NR2F1-AS1: variants seen among roughly 807,000 people sequenced by gnomAD.
NR2F1-AS1 encodes the protein NR2F1 regulatory antisense RNA 1.
rs547588031 is a variant in NR2F1-AS1 at position 93,550,115 on chromosome 5, TA to T, written n.638+3645del. Reference sequence around the variant, plus strand: ...TGTATCCCAGAACTTAAAGTATAATTAAAAAAAAAAAAGAGTGCCCATTTTA... The same window carrying T: ...TGTATCCCAGAACTTAAAGTATAATTAAAAAAAAAAAGAGTGCCCATTTTA... On this transcript the variant is annotated intron_variant and non_coding_transcript_variant, in intron 4 of 5. Transcript: ENST00000660523. 3.4e-3 allele frequency among the ~76,000 whole-genome samples: 474 copies of T among 141,290 alleles called. 1 individual carries two copies. Among genetic ancestry groups the T allele is most frequent in the Non-Finnish European group, 4.5e-3 (291 of 64,536 alleles). 92.7% of individuals were successfully genotyped at this position (141,290 alleles called of 152,430 possible). A position where few individuals can be genotyped will look rare whatever the true frequency, so the allele number is the denominator to read the frequency against.
intron 4 of NR2F1-AS1, among the ~76,000 whole-genome samples, chr5:93,441,822 C>A (rs1749577346): frequency 6.7e-6 from 1 of 150,110 alleles, no homozygotes; most frequent in African/African-American, 2.5e-5. Flanking sequence ...AGATGCTCAA[C>A]AGAAGGCAGT....
intron 4 of NR2F1-AS1, among the ~76,000 whole-genome samples, chr5:93,413,430 T>C (rs1252583331): frequency 6.6e-6 from 1 of 152,102 alleles, no homozygotes; most frequent in African/African-American, 2.4e-5. Context: ...CTTTAACTTC[T>C]GTGGGCTCTC....
chr5:93,489,831 T>C (rs1000293686), intron 4 of NR2F1-AS1, among the ~76,000 whole-genome samples: 12 of 152,202 alleles, frequency 7.9e-5, no homozygotes, highest in Admixed American at 3.3e-4. Context: ...TTCCAATTTG[T>C]ATTAATTAAT....
intron 4 of NR2F1-AS1, among the ~76,000 whole-genome samples, chr5:93,443,124 T>C (rs552901448): frequency 6.6e-6 from 1 of 152,288 alleles, no homozygotes; most frequent in South Asian, 2.1e-4. Flanking sequence ...ATTCTAAAAA[T>C]CAGAGTGCCT....
chr5:93,554,341 C>A (rs186037326), intron 3 of NR2F1-AS1, among the ~76,000 whole-genome samples: 15 of 152,224 alleles, frequency 9.9e-5, no homozygotes, highest in African/African-American at 3.4e-4. Context: ...TCCTAGAATT[C>A]TGAAAAACAC....
At chr5:93,545,187 A>G (rs1752054263) in intron 4 of NR2F1-AS1, among the ~76,000 whole-genome samples, 3 of 152,208 alleles carry the variant, frequency 2.0e-5, no homozygotes, top group African/African-American at 7.2e-5. Context: ...AACATCCCAT[A>G]ATGTCCACGG....
upstream of NR2F1-AS1, chr5:93,581,095 C>A (rs1753017757): frequency 6.6e-6 from 1 of 152,334 alleles, no homozygotes; most frequent in African/African-American, 2.4e-5. Context: ...CAAACCCCTC[C>A]CTGGTGAGAC....
chr5:93,437,360 C>T (rs57165666), intron 4 of NR2F1-AS1, among the ~76,000 whole-genome samples: 26,215 of 151,972 alleles, frequency 0.17, 3,521 homozygotes, highest in African/African-American at 0.38. Flanking sequence ...AACAATATTT[C>T]GATATATTGG....
intron 4 of NR2F1-AS1, among the ~76,000 whole-genome samples, chr5:93,413,511 C>A (rs1748906107): frequency 6.6e-6 from 1 of 152,102 alleles, no homozygotes; most frequent in African/African-American, 2.4e-5. Context: ...TTCCACATGG[C>A]CGGTGTGATA....
intron 4 of NR2F1-AS1, among the ~76,000 whole-genome samples, chr5:93,531,623 C>A (rs907946004): frequency 6.6e-6 from 1 of 152,188 alleles, no homozygotes; most frequent in African/African-American, 2.4e-5. Context: ...AGAATGGTTC[C>A]TTTACCATCT....
rs549187829 is a variant in NR2F1-AS1 at position 93,446,947 on chromosome 5, T to C, written n.639-51405A>G. On this transcript the variant is annotated intron_variant and non_coding_transcript_variant, in intron 4 of 5. Coordinates refer to ENST00000660523, the Ensembl canonical transcript of NR2F1-AS1. Reference sequence around the variant, plus strand: ...TGACAAACCTGACAAAAACAAGAAATAGGGAAAGGATTCCCTATTTAATAA... The same window carrying C: ...TGACAAACCTGACAAAAACAAGAAACAGGGAAAGGATTCCCTATTTAATAA... 9.9e-5 allele frequency among the ~76,000 whole-genome samples: 15 copies of C among 152,136 alleles called. No individual in the cohort carries two copies. In the South Asian group the frequency reaches 2.7e-3, roughly 27 times the overall value.
chr5:93,489,094 T>C (rs1444348510), intron 4 of NR2F1-AS1, among the ~76,000 whole-genome samples: 1 of 149,530 alleles, frequency 6.7e-6, no homozygotes, highest in East Asian at 1.9e-4. Flanking sequence ...GTGGGGCCTG[T>C]TGGAGGGTGG....
chr5:93,530,456 C>A (rs1258442260), intron 4 of NR2F1-AS1, among the ~76,000 whole-genome samples: 1 of 152,130 alleles, frequency 6.6e-6, no homozygotes, highest in East Asian at 1.9e-4. Context: ...CAAGGAACAT[C>A]TGGTTCCTCT....
Position 93,579,757 on chromosome 5 carries a change from A to C in NR2F1-AS1, n.313+710T>G, listed in dbSNP as rs1443430230. Among the ~76,000 whole-genome samples, 6 of 148,562 alleles carry C rather than the reference A, an allele frequency of 4.0e-5. No homozygotes were observed. Among genetic ancestry groups the C allele is most frequent in the African/African-American group, 7.5e-5 (3 of 39,900 alleles). ...CCTCTGTCCCCACCCCTGGGAGGCGACCCCCTCCCCGCCCCCAGCCGGCTG... is the reference window on the plus strand; with the variant it reads ...CCTCTGTCCCCACCCCTGGGAGGCGCCCCCCTCCCCGCCCCCAGCCGGCTG... On this transcript the variant is annotated intron_variant and non_coding_transcript_variant, in intron 1 of 5. Coordinates refer to ENST00000660523, the Ensembl canonical transcript of NR2F1-AS1. The surrounding 1 kb of genome is among the most constrained non-coding windows in gnomAD (Gnocchi z 5.1).
At chr5:93,492,685 A>G (rs1198443234) in intron 4 of NR2F1-AS1, among the ~76,000 whole-genome samples, 5 of 152,158 alleles carry the variant, frequency 3.3e-5, no homozygotes, top group Non-Finnish European at 5.9e-5. Flanking sequence ...AAACACATAC[A>G]CCACGACCAA....
chr5:93,460,446 T>C (rs1372478263), intron 4 of NR2F1-AS1, among the ~76,000 whole-genome samples: 2 of 152,180 alleles, frequency 1.3e-5, no homozygotes, highest in African/African-American at 4.8e-5. Flanking sequence ...CAGAAAGAGT[T>C]GCTTTACCAG....
At chr5:93,511,878 A>G in intron 4 of NR2F1-AS1, among the ~76,000 whole-genome samples, 1 of 152,126 alleles carries the variant, frequency 6.6e-6, no homozygotes, top group East Asian at 1.9e-4. Context: ...TTTCATCTCA[A>G]AACCATGCCC....
intron 4 of NR2F1-AS1, among the ~76,000 whole-genome samples, chr5:93,473,431 T>C (rs1049122711): frequency 6.6e-6 from 1 of 151,834 alleles, no homozygotes; most frequent in African/African-American, 2.4e-5. Context: ...AGGGAAAATA[T>C]TAAATATACA....
chr5:93,497,053 A>G (rs1750975854), intron 4 of NR2F1-AS1, among the ~76,000 whole-genome samples: 1 of 152,152 alleles, frequency 6.6e-6, no homozygotes, highest in Non-Finnish European at 1.5e-5. Flanking sequence ...TCTAAAATAT[A>G]ACCCTTTCTC....
Sources: gnomAD v4.1 joint callset for allele counts (sites outside exome capture counted in the v4.1 genomes callset) on GRCh38, gnomAD v4.1.1 for gene constraint, Gnocchi (gnomAD v3.1) non-coding constraint, MANE v1.5 for transcripts, NCBI Gene and HGNC (gene_info 2026-07-23, HGNC 2026-07-21) for gene names.